NUP155: variants seen among roughly 807,000 people sequenced by gnomAD.
The protein encoded by NUP155 is nuclear pore complex protein Nup155.
A neutral mutation model predicts 180.4 loss-of-function variants in NUP155; 71 were observed. The ratio of observed to expected loss-of-function variants is 0.39; its 90% CI spans 0.33 to 0.48. The LOEUF is 0.48. Ranked by LOEUF, NUP155 falls within the 20% of genes least tolerant of loss-of-function variation. The pLI is 0.91. For missense variants in NUP155, 1,553 were observed against 1,648.9 expected (o/e 0.94, Z 1.01); for synonymous variants, 582 against 559.5 (o/e 1.04, Z -0.57).
At chr5:37,322,494 T>C (rs974844589) in intron 20 of NUP155, among the ~76,000 whole-genome samples, 5 of 151,904 alleles carry the variant, frequency 3.3e-5, no homozygotes, top group Non-Finnish European at 7.4e-5. Context: ...GATCACGAGG[T>C]CAGGAGATCG....
In NUP155 at chr5:37,299,436, C is replaced by T. The variant is rs200643260; in HGVS notation, c.3682+12G>A. The T allele has an allele frequency of 2.5e-5, 41 of 1,613,910 alleles. No individual in the cohort carries two copies. The highest frequency in any genetic ancestry group is 1.2e-4 in the Admixed American group (7 of 60,006). ...ATAACGTATGCTAACATACCTATAA[C>T]TGAACACTTACCTTTCTCTATGATA... On this transcript the variant is annotated intron_variant, in intron 31 of 34. Transcript: ENST00000231498.
At chr5:37,349,873 GTC>G (rs1226908494) in intron 7 of NUP155, among the ~76,000 whole-genome samples, 3 of 152,136 alleles carry the variant, frequency 2.0e-5, no homozygotes, top group African/African-American at 7.2e-5. Flanking sequence ...CTGAATGTCT[GTC>G]TCTCTCACAT....
In NUP155 at chr5:37,365,752, T is replaced by TATACACACACAC. The variant is rs1403169370; in HGVS notation, c.158-1369_158-1368insGTGTGTGTGTAT. 5.5e-4 allele frequency among the ~76,000 whole-genome samples: 21 copies of TATACACACACAC among 37,872 alleles called. 1 individual carries two copies. The highest frequency in any genetic ancestry group is 6.3e-4 in the Non-Finnish European group (14 of 22,348). 24.8% of individuals were successfully genotyped at this position (37,872 alleles called of 152,430 possible). A position where few individuals can be genotyped will look rare whatever the true frequency, so the allele number is the denominator to read the frequency against. On this transcript the variant is annotated intron_variant, in intron 1 of 34. Coordinates refer to ENST00000231498, the MANE Select transcript of NUP155 (RefSeq NM_153485.3). ...AAAAAAAAAAAAATATATATATATATACACACACACACACACACACACACA... is the reference window on the plus strand; with the variant it reads ...AAAAAAAAAAAAATATATATATATATATACACACACACACACACACACACACACACACACACA...
chr5:37,329,459 T>C (rs1256737680), intron 15 of NUP155, among the ~76,000 whole-genome samples, 181 bp from the exon 16 acceptor site: 1 of 152,208 alleles, frequency 6.6e-6, no homozygotes, highest in South Asian at 2.1e-4. Flanking sequence ...ATTCAGTAAA[T>C]GTGGACTTGA....
Position 37,302,927 on chromosome 5 carries a change from A to G in NUP155, c.3318-19T>C. ...TTCTGTGCTAGAAGGGAAAACGCTT[A>G]TTTTTAGTTACACAATTTCTTAAGG... On this transcript the variant is annotated intron_variant, in intron 28 of 34. Transcript: ENST00000231498. 1 of 1,613,434 alleles carries G rather than the reference A, an allele frequency of 6.2e-7. No individual in the cohort carries two copies. Among genetic ancestry groups the G allele is most frequent in the Non-Finnish European group, 8.5e-7 (1 of 1,179,572 alleles).
intron 9 of NUP155, among the ~76,000 whole-genome samples, chr5:37,346,844 T>C (rs749895742): frequency 4.6e-5 from 7 of 152,108 alleles, no homozygotes; most frequent in Non-Finnish European, 1.0e-4. Context: ...TCCTCATGAA[T>C]AAAATGGGTA....
chr5:37,336,723 A>G (rs1242966738), intron 12 of NUP155, among the ~76,000 whole-genome samples: 1 of 151,850 alleles, frequency 6.6e-6, no homozygotes, highest in Non-Finnish European at 1.5e-5. Context: ...GAAAGAAGGC[A>G]CTCCTTACCT....
At chr5:37,336,211 T>C (rs1236748124) in intron 12 of NUP155, among the ~76,000 whole-genome samples, 1 of 152,116 alleles carries the variant, frequency 6.6e-6, no homozygotes, top group Non-Finnish European at 1.5e-5. Context: ...TGGAGGACAG[T>C]GTCTCACACC....
At chr5:37,312,915 G>A (rs906354267) in intron 22 of NUP155, among the ~76,000 whole-genome samples, 3 of 152,134 alleles carry the variant, frequency 2.0e-5, no homozygotes, top group Non-Finnish European at 4.4e-5. Context: ...TGAAAATGCT[G>A]AATGAGTCAA....
At chr5:37,322,524 G>A (rs1374694506) in intron 20 of NUP155, among the ~76,000 whole-genome samples, 3 of 151,910 alleles carry the variant, frequency 2.0e-5, no homozygotes, top group East Asian at 1.9e-4. Context: ...TGGCTAACAC[G>A]GTGAAACCCA....
intron 11 of NUP155, among the ~76,000 whole-genome samples, chr5:37,338,599 G>T (rs928186736): frequency 4.6e-5 from 7 of 151,952 alleles, no homozygotes; most frequent in African/African-American, 7.2e-5. Flanking sequence ...TAGAGACGAG[G>T]TTTCACCGTG....
In NUP155 at chr5:37,294,784, A is replaced by G. The variant is rs184665489; in HGVS notation, c.3794-319T>C. 4.2e-4 allele frequency among the ~76,000 whole-genome samples: 64 copies of G among 152,202 alleles called. 1 individual carries two copies. In the East Asian group the frequency reaches 0.012, roughly 28 times the overall value. ...AAAGTTTTTTTTAAATAAAAGTAAG[A>G]TATATACCAGAACAGGCAAATCTAA... On this transcript the variant is annotated intron_variant, in intron 32 of 34. Transcript: ENST00000231498.
intron 13 of NUP155, 102 bp downstream of exon 13, chr5:37,333,361 A>C: frequency 9.0e-7 from 1 of 1,116,760 alleles, no homozygotes; most frequent in Admixed American, 1.7e-5. Flanking sequence ...CTCAAAAAAA[A>C]AAGAAAGAAA....
chr5:37,333,446 A>G lies in NUP155; in HGVS notation c.1518+17T>C, dbSNP rs376160712. On this transcript the variant is annotated intron_variant, in intron 13 of 34. Transcript: ENST00000231498. ...ATCGCTTATTTTTGTCACTACCATAACAGAATACGTACACACCTGTGCTGA... is the reference window on the plus strand; with the variant it reads ...ATCGCTTATTTTTGTCACTACCATAGCAGAATACGTACACACCTGTGCTGA... 2.5e-6 allele frequency: 4 copies of G among 1,610,824 alleles called. No individual in the cohort carries two copies. Among genetic ancestry groups the G allele is most frequent in the Non-Finnish European group, 8.5e-7 (1 of 1,177,108 alleles).
intron 3 of NUP155, among the ~76,000 whole-genome samples, chr5:37,358,615 C>T (rs565950944): frequency 7.7e-4 from 118 of 152,320 alleles, no homozygotes; most frequent in African/African-American, 2.8e-3. Flanking sequence ...CACTTCACAC[C>T]TGGCTAATTT....
chr5:37,368,060 C>A (rs187773887), intron 1 of NUP155, among the ~76,000 whole-genome samples: 1 of 151,606 alleles, frequency 6.6e-6, no homozygotes, highest in Non-Finnish European at 1.5e-5. Context: ...GGATTATGGG[C>A]GTGAGCCACC....
intron 12 of NUP155, among the ~76,000 whole-genome samples, chr5:37,335,964 C>CA (rs1209291642): frequency 8.9e-5 from 13 of 145,852 alleles, no homozygotes; most frequent in South Asian, 2.2e-4. Flanking sequence ...AACCTTGTCT[C>CA]AAAAAAAAAA....
At chr5:37,370,535 T>C in intron 1 of NUP155, 1 of 749,098 alleles carries the variant, frequency 1.3e-6, no homozygotes, top group Non-Finnish European at 2.0e-6. Context: ...GCCTTAGCCA[T>C]AAGCACTTGA....
Position 37,288,794 on chromosome 5 carries a change from TGG to T in NUP155, c.*3104_*3105del, listed in dbSNP as rs1742124804. ...GTAGGGGGGGTGGGGCTAGGCGCAG[TGG>T]CTCATGCCTGTAATCCCAGCTCTTT... On this transcript the variant is annotated 3_prime_UTR_variant, in exon 35 of 35. Transcript: ENST00000231498. 8.1e-6 allele frequency: 1 copy of T among 123,998 alleles called. No individual in the cohort carries two copies. Among genetic ancestry groups the T allele is most frequent in the Non-Finnish European group, 1.7e-5 (1 of 59,482 alleles). The allele number at this position is 123,998 out of a possible 1,614,324, so 7.7% of individuals were successfully genotyped here. A position where few individuals can be genotyped will look rare whatever the true frequency, so the allele number is the denominator to read the frequency against.
Sources: gnomAD v4.1 joint callset for allele counts (sites outside exome capture counted in the v4.1 genomes callset) on GRCh38, gnomAD v4.1.1 for gene constraint, MANE v1.5 for transcripts, NCBI Gene and HGNC (gene_info 2026-07-23, HGNC 2026-07-21) for gene names.